RMST: variants seen among roughly 807,000 people sequenced by gnomAD.
RMST encodes long intergenic non-protein coding RNA 54.
intron 11 of RMST, among the ~76,000 whole-genome samples, chr12:97,549,227 A>G (rs1206291019): frequency 6.6e-6 from 1 of 152,200 alleles, no homozygotes; most frequent in Non-Finnish European, 1.5e-5. Context: ...TTTTCAGAAA[A>G]GAGTATGTTT....
intron 10 of RMST, among the ~76,000 whole-genome samples, chr12:97,528,312 A>C (rs1042389390): frequency 2.0e-5 from 3 of 152,158 alleles, no homozygotes; most frequent in African/African-American, 7.2e-5. Context: ...TGGTTTTATC[A>C]GTCTTTCTTA....
chr12:97,467,260 A>G (rs1873300792), intron 5 of RMST, among the ~76,000 whole-genome samples: 1 of 152,014 alleles, frequency 6.6e-6, no homozygotes, highest in Non-Finnish European at 1.5e-5. Flanking sequence ...TTGCACCTCA[A>G]TTCTTTCAGG....
chr12:97,532,650 T>TTTTTTG (rs1881752454), intron 11 of RMST: 2 of 149,034 alleles, frequency 1.3e-5, no homozygotes, highest in African/African-American at 5.0e-5. Flanking sequence ...GTCCCGTTTT[T>TTTTTTG]TTTTTTTTTT....
At chr12:97,502,488 A>G (rs1003758204) in intron 10 of RMST, among the ~76,000 whole-genome samples, 2 of 151,992 alleles carry the variant, frequency 1.3e-5, no homozygotes, top group Non-Finnish European at 2.9e-5. Flanking sequence ...TTTTGAGACA[A>G]TCTCACTCTG....
intron 11 of RMST, among the ~76,000 whole-genome samples, chr12:97,550,190 GA>G (rs1883212379): frequency 6.6e-6 from 1 of 152,032 alleles, no homozygotes; most frequent in African/African-American, 2.4e-5. Flanking sequence ...TCGGGAGTTC[GA>G]GACCAGGCTG....
At chr12:97,522,561 C>T (rs2136555524) in intron 10 of RMST, among the ~76,000 whole-genome samples, 1 of 152,270 alleles carries the variant, frequency 6.6e-6, no homozygotes, top group Non-Finnish European at 1.5e-5. Context: ...GAGACTCAAC[C>T]TTGGGTTCCA....
intron 9 of RMST, among the ~76,000 whole-genome samples, chr12:97,495,596 T>C (rs1443726238): frequency 6.6e-6 from 1 of 152,130 alleles, no homozygotes; most frequent in Non-Finnish European, 1.5e-5. Context: ...AAATCCCTCA[T>C]AATATATAAA....
At position 97,481,077 on chromosome 12, in the gene RMST, C is replaced by T. The variant is rs143127217; in HGVS notation, n.645-11384C>T. On this transcript the variant is annotated intron_variant and non_coding_transcript_variant, in intron 5 of 13. Transcript: ENST00000640149. ...ATAAGAATTTGGCACAGAACTGGAACGATCTTTGTCTGTTCCACTGCTGAT... is the reference window on the plus strand; with the variant it reads ...ATAAGAATTTGGCACAGAACTGGAATGATCTTTGTCTGTTCCACTGCTGAT... 9.1e-4 allele frequency among the ~76,000 whole-genome samples: 138 copies of T among 152,282 alleles called. 1 individual carries two copies. The highest frequency in any genetic ancestry group is 2.7e-3 in the African/African-American group (113 of 41,560).
chr12:97,495,398 C>T (rs2136461159), intron 9 of RMST, among the ~76,000 whole-genome samples: 1 of 152,088 alleles, frequency 6.6e-6, no homozygotes, highest in South Asian at 2.1e-4. Context: ...AGTAAAAAAG[C>T]AATGGCGAGA....
intron 5 of RMST, among the ~76,000 whole-genome samples, chr12:97,469,236 A>AC (rs1355389562): frequency 0.015 from 2,284 of 150,978 alleles, 56 homozygotes; most frequent in African/African-American, 0.051. Context: ...CAATATATAT[A>AC]AATGTATACA....
chr12:97,541,039 G>A (rs1338064177), intron 11 of RMST, among the ~76,000 whole-genome samples: 1 of 150,714 alleles, frequency 6.6e-6, no homozygotes, highest in African/African-American at 2.4e-5. Flanking sequence ...TGTGTGTTTT[G>A]TACACATATA....
At chr12:97,524,097 A>AAAAAAAAAAAAAAAAAAAAAAAC (rs1880842663) in intron 10 of RMST, among the ~76,000 whole-genome samples, 1 of 147,836 alleles carries the variant, frequency 6.8e-6, no homozygotes, top group African/African-American at 2.5e-5. Flanking sequence ...AAAAAAAAAA[A>AAAAAAAAAAAAAAAAAAAAAAAC]AAAAAATCAC....
intron 10 of RMST, among the ~76,000 whole-genome samples, chr12:97,512,396 T>G (rs938698817): frequency 7.2e-5 from 11 of 152,210 alleles, no homozygotes; most frequent in African/African-American, 2.7e-4. Flanking sequence ...CACTGCTGGC[T>G]CCGGCAGCCT....
intron 10 of RMST, among the ~76,000 whole-genome samples, chr12:97,516,686 T>C (rs1344116512): frequency 6.6e-6 from 1 of 151,986 alleles, no homozygotes; most frequent in Non-Finnish European, 1.5e-5. Flanking sequence ...CTTTCTATGG[T>C]GTTTGAAAGT....
chr12:97,537,278 A>C (rs1253186433), intron 11 of RMST, among the ~76,000 whole-genome samples: 1 of 151,422 alleles, frequency 6.6e-6, no homozygotes, highest in Non-Finnish European at 1.5e-5. Flanking sequence ...GTCCTGCTTG[A>C]TGATTAAACC....
chr12:97,480,325 C>G (rs1593141637), intron 5 of RMST, among the ~76,000 whole-genome samples: 1 of 152,026 alleles, frequency 6.6e-6, no homozygotes, highest in Admixed American at 6.6e-5. Context: ...CTTCTGACCT[C>G]GTGATCTGCC....
chr12:97,500,470 T>C (rs1877961800), intron 10 of RMST, among the ~76,000 whole-genome samples: 1 of 152,196 alleles, frequency 6.6e-6, no homozygotes, highest in African/African-American at 2.4e-5. Flanking sequence ...CTTCCAATAA[T>C]AATGACTGCT....
At chr12:97,563,498 G>C (rs1268657149) in intron 13 of RMST, 1 of 278,050 alleles carries the variant, frequency 3.6e-6, no homozygotes, top group African/African-American at 2.3e-5. Context: ...TCTGTCTTCT[G>C]TCTTTCCGTA....
chr12:97,487,502 T>C (rs1223011010), intron 5 of RMST, among the ~76,000 whole-genome samples: 1 of 152,156 alleles, frequency 6.6e-6, no homozygotes, highest in Non-Finnish European at 1.5e-5. Flanking sequence ...AATTTTGTAA[T>C]TTGTTCAGAA....
Sources: gnomAD v4.1 joint callset for allele counts (sites outside exome capture counted in the v4.1 genomes callset) on GRCh38, gnomAD v4.1.1 for gene constraint, MANE v1.5 for transcripts, NCBI Gene and HGNC (gene_info 2026-07-23, HGNC 2026-07-21) for gene names.